The following NOX3 variants were observed in gnomAD, a reference collection of about 807,000 sequenced individuals.
NOX3 encodes the protein NADPH oxidase 3.
Under a neutral mutation model 76.7 loss-of-function variants are expected in NOX3, and 74 were observed. The observed-to-expected ratio is 0.96, with a 90% CI of 0.80 to 1.17. The LOEUF (loss-of-function observed/expected upper bound fraction) is 1.17, where lower values mean the gene tolerates loss of function less well. Ranked by LOEUF, NOX3 falls within the 50% of genes most tolerant of loss-of-function variation. The pLI, the probability that NOX3 is intolerant of heterozygous loss-of-function variation, is 0.00. For synonymous variants in NOX3, 263 were observed against 261.1 expected (o/e 1.01, Z -0.07); for missense variants, 695 against 703.3 (o/e 0.99, Z 0.13).
In NOX3 at chr6:155,422,739, T is replaced by C. The variant is rs1404672601; in HGVS notation, c.1263A>G (p.Ile421Met). 3.1e-6 allele frequency: 5 copies of C among 1,614,040 alleles called. No individual in the cohort carries two copies. The highest frequency in any genetic ancestry group is 2.2e-5 in the East Asian group (1 of 44,878). ...VTPFAALLKS[I>M]WYKCSEAQTP... The stretch of plus-strand genomic sequence containing the variant: ...TCTGTGCCTCACTGCATTTGTACCA[T>C]ATAGATTTCAGAAGAGCAGCGAAGG... The change falls in exon 10 of 14, where the codon ATA becomes ATG. Residue 421 changes from isoleucine (I) to methionine (M), a missense_variant. Physicochemically the swap from Ile to Met is conservative, Grantham distance 10. Coordinates refer to ENST00000159060, the MANE Select transcript of NOX3 (RefSeq NM_015718.3).
chr6:155,451,908 G>A (rs1471181683), intron 4 of NOX3, among the ~76,000 whole-genome samples: 3 of 152,266 alleles, frequency 2.0e-5, no homozygotes, highest in East Asian at 1.9e-4. Context: ...GATTATAGGC[G>A]TAAACCACCA....
intron 9 of NOX3, among the ~76,000 whole-genome samples, chr6:155,423,681 A>G (rs73567327): frequency 0.015 from 2,348 of 151,854 alleles, 57 homozygotes; most frequent in African/African-American, 0.054. Flanking sequence ...CGGCCTTTGC[A>G]TGCGATACCA....
At chr6:155,412,952 A>G (rs1198252122) in intron 10 of NOX3, among the ~76,000 whole-genome samples, 4 of 152,234 alleles carry the variant, frequency 2.6e-5, no homozygotes, top group Admixed American at 1.3e-4. Context: ...AAGTGCATGC[A>G]GAAACCCCAG....
chr6:155,403,613 T>C (rs1044527566), intron 12 of NOX3, among the ~76,000 whole-genome samples: 44 of 152,322 alleles, frequency 2.9e-4, no homozygotes, highest in Middle Eastern at 3.4e-3. Flanking sequence ...GAGCATTAAG[T>C]ACGTTTCCGC....
At chr6:155,395,735 C>T (rs151223) in intron 13 of NOX3, among the ~76,000 whole-genome samples, 161 bp from the exon 14 acceptor site, 3 of 151,982 alleles carry the variant, frequency 2.0e-5, no homozygotes, top group Non-Finnish European at 4.4e-5. Flanking sequence ...GATGTGAGGA[C>T]TACTTTGTAA....
At chr6:155,412,426 C>G (rs2114681862) in intron 10 of NOX3, among the ~76,000 whole-genome samples, 1 of 152,304 alleles carries the variant, frequency 6.6e-6, no homozygotes, top group East Asian at 1.9e-4. Context: ...CTATTCTCTT[C>G]ATGTTTAGGC....
intron 10 of NOX3, among the ~76,000 whole-genome samples, chr6:155,419,222 G>C (rs1273618026): frequency 1.3e-5 from 2 of 152,206 alleles, no homozygotes; most frequent in Non-Finnish European, 2.9e-5. Flanking sequence ...CTTTAAAAGA[G>C]AGAAACTTCC....
chr6:155,405,818 T>C (rs1438991978), intron 12 of NOX3, among the ~76,000 whole-genome samples: 1 of 152,204 alleles, frequency 6.6e-6, no homozygotes, highest in Non-Finnish European at 1.5e-5. Flanking sequence ...CTCTGGCCTC[T>C]CCACCTCTGT....
intron 10 of NOX3, among the ~76,000 whole-genome samples, chr6:155,421,810 T>C (rs970702661): frequency 6.6e-6 from 1 of 152,172 alleles, no homozygotes; most frequent in African/African-American, 2.4e-5. Context: ...AGAACTTATT[T>C]AATGGCTAGT....
intron 4 of NOX3, among the ~76,000 whole-genome samples, chr6:155,448,436 C>T (rs1398374023): frequency 6.6e-6 from 1 of 152,066 alleles, no homozygotes; most frequent in Non-Finnish European, 1.5e-5. Context: ...ACTTCTCTGC[C>T]CTTGGAGGAC....
rs201074724 is a variant in NOX3, at chr6:155,410,337, A to G, written c.1455+877T>C. Among the ~76,000 whole-genome samples, 177 of 147,606 alleles carry G rather than the reference A, an allele frequency of 1.2e-3. 5 individuals carry two copies. In the East Asian group the frequency reaches 0.029, roughly 24 times the overall value. On this transcript the variant is annotated intron_variant, in intron 11 of 13. Transcript: ENST00000159060. ...TGTGTGTGCGCACGCATGTGTGTGT[A>G]TGTGTGATGTACATACACAGAGCAT...
chr6:155,400,150 A>G (rs1221624842), intron 12 of NOX3, among the ~76,000 whole-genome samples: 1 of 152,220 alleles, frequency 6.6e-6, no homozygotes, highest in African/African-American at 2.4e-5. Flanking sequence ...TTTCAAAAAC[A>G]GTTCAGCGAT....
At chr6:155,429,114 T>G in intron 8 of NOX3, 67 bp from the exon 9 acceptor site, 1 of 1,411,748 alleles carries the variant, frequency 7.1e-7, no homozygotes. Flanking sequence ...TTTCATTCCA[T>G]CAAAGGTGTT....
intron 3 of NOX3, among the ~76,000 whole-genome samples, chr6:155,454,072 T>A (rs184487430): frequency 6.6e-6 from 1 of 152,128 alleles, no homozygotes; most frequent in African/African-American, 2.4e-5. Context: ...AAAAAGTACA[T>A]GCTTTAATTA....
intron 12 of NOX3, among the ~76,000 whole-genome samples, chr6:155,405,511 C>T (rs560518992): frequency 3.3e-5 from 5 of 152,274 alleles, no homozygotes; most frequent in South Asian, 4.1e-4. Flanking sequence ...CTCCCCTGAA[C>T]GTTTGCTTCT....
chr6:155,451,560 C>G (rs761489499), intron 4 of NOX3, among the ~76,000 whole-genome samples: 1 of 152,086 alleles, frequency 6.6e-6, no homozygotes, highest in Non-Finnish European at 1.5e-5. Context: ...ATGTACATGC[C>G]CAAAAGTTTA....
intron 10 of NOX3, among the ~76,000 whole-genome samples, chr6:155,418,457 T>C (rs566658342): frequency 1.2e-3 from 189 of 152,348 alleles, no homozygotes; most frequent in Non-Finnish European, 1.9e-3. Flanking sequence ...ACTTCTGCGT[T>C]GAAAATATTT....
chr6:155,427,723 T>G (rs1253701360), intron 9 of NOX3, among the ~76,000 whole-genome samples: 1 of 152,242 alleles, frequency 6.6e-6, no homozygotes, highest in Non-Finnish European at 1.5e-5. Flanking sequence ...TCATTTTTTT[T>G]GGTGTCCCTG....
chr6:155,414,623 C>CTTTTTTTTTTTTTTTT (rs72348061), intron 10 of NOX3, among the ~76,000 whole-genome samples: 3 of 113,790 alleles, frequency 2.6e-5, no homozygotes, highest in Non-Finnish European at 3.6e-5. Context: ...TCTTTTCTTT[C>CTTTTTTTTTTTTTTTT]TTTTTTTTTT....
Sources: gnomAD v4.1 joint callset for allele counts (sites outside exome capture counted in the v4.1 genomes callset) on GRCh38, gnomAD v4.1.1 for gene constraint, MANE v1.5 for transcripts, NCBI Gene and HGNC (gene_info 2026-07-23, HGNC 2026-07-21) for gene names.